The following CCAR1 variants were observed in gnomAD, a reference collection of about 807,000 sequenced individuals.
The protein encoded by CCAR1 is cell division cycle and apoptosis regulator 1, also known as cell division cycle and apoptosis regulator protein 1.
CCAR1 carries 78 observed loss-of-function variants against 163.8 expected under a neutral mutation model. That is an observed-to-expected ratio of 0.48 (90% CI 0.40 to 0.57). The LOEUF (loss-of-function observed/expected upper bound fraction) is 0.57, where lower values mean the gene tolerates loss of function less well. CCAR1 is among the 20% of genes least tolerant of loss of function. The pLI is 0.00. For missense variants in CCAR1, 1,019 were observed against 1,365.2 expected (o/e 0.75, Z 4.00); for synonymous variants, 443 against 460.7 (o/e 0.96, Z 0.49).
chr10:68,755,145 C>G (rs1220179455), intron 12 of CCAR1: 1 of 727,438 alleles, frequency 1.4e-6, no homozygotes, highest in South Asian at 1.4e-5. Flanking sequence ...TAAAAGAACT[C>G]TATCTGAAGA....
intron 2 of CCAR1, among the ~76,000 whole-genome samples, chr10:68,727,821 A>AT (rs1317933013): frequency 6.6e-6 from 1 of 151,924 alleles, no homozygotes. Context: ...ATCTTATTTT[A>AT]TTTTTTTGAA....
At chr10:68,735,146 G>A (rs1025571357) in intron 2 of CCAR1, among the ~76,000 whole-genome samples, 4 of 151,988 alleles carry the variant, frequency 2.6e-5, no homozygotes, top group East Asian at 1.9e-4. Context: ...CTAGGAGTTC[G>A]AGACCAGCCT....
At chr10:68,740,487 A>T (rs2056168479) in intron 4 of CCAR1, 142 bp from the exon 5 acceptor site, 1 of 678,580 alleles carries the variant, frequency 1.5e-6, no homozygotes, top group East Asian at 2.9e-5. Context: ...CCTGGGCAAC[A>T]TAGTGAGACC....
chr10:68,778,364 C>A (rs766305168), intron 19 of CCAR1, among the ~76,000 whole-genome samples: 9 of 152,164 alleles, frequency 5.9e-5, no homozygotes, highest in Non-Finnish European at 1.0e-4. Flanking sequence ...ATTGGCAGTT[C>A]TTTCTGCTAG....
intron 2 of CCAR1, among the ~76,000 whole-genome samples, chr10:68,733,061 C>T (rs1437618538): frequency 6.6e-6 from 1 of 152,086 alleles, no homozygotes; most frequent in Non-Finnish European, 1.5e-5. Flanking sequence ...TTTGTTGGTC[C>T]TTGTTTTATC....
chr10:68,752,236 A>G (rs2056342037), intron 10 of CCAR1, among the ~76,000 whole-genome samples: 1 of 152,102 alleles, frequency 6.6e-6, no homozygotes, highest in Non-Finnish European at 1.5e-5. Flanking sequence ...TAGTTTTACC[A>G]CTTTGAAGTA....
At chr10:68,780,351 C>T (rs1456047127) in intron 19 of CCAR1, among the ~76,000 whole-genome samples, 2 of 152,104 alleles carry the variant, frequency 1.3e-5, no homozygotes, top group African/African-American at 2.4e-5. Context: ...TGCACCACCA[C>T]ACCTGGCTAA....
intron 19 of CCAR1, among the ~76,000 whole-genome samples, chr10:68,785,192 C>T (rs544343439): frequency 1.3e-4 from 20 of 151,760 alleles, no homozygotes; most frequent in African/African-American, 4.6e-4. Context: ...GCTGGGATTA[C>T]AGGCGTGAGG....
chr10:68,754,292 C>T (rs1454614256), intron 11 of CCAR1, among the ~76,000 whole-genome samples: 4 of 152,072 alleles, frequency 2.6e-5, no homozygotes, highest in Non-Finnish European at 5.9e-5. Flanking sequence ...ACATTTTAAA[C>T]CTTATTAAAA....
At chr10:68,745,081 C>A (rs1589162592) in intron 6 of CCAR1, among the ~76,000 whole-genome samples, 1 of 152,266 alleles carries the variant, frequency 6.6e-6, no homozygotes, top group Non-Finnish European at 1.5e-5. Flanking sequence ...TCTTGGCTCA[C>A]TGTAACCTCC....
At chr10:68,740,760 T>C in intron 5 of CCAR1, 99 bp downstream of exon 5, 1 of 894,122 alleles carries the variant, frequency 1.1e-6, no homozygotes, top group Admixed American at 2.4e-5. Flanking sequence ...TAGTTACTTG[T>C]TAGATTCACC....
At chr10:68,734,628 G>A (rs2056083677) in intron 2 of CCAR1, among the ~76,000 whole-genome samples, 1 of 152,024 alleles carries the variant, frequency 6.6e-6, no homozygotes, top group Admixed American at 6.6e-5. Context: ...GCCTCCTGAG[G>A]TATAATTCAG....
chr10:68,724,215 C>T (rs1057041277), intron 2 of CCAR1, among the ~76,000 whole-genome samples: 2 of 151,960 alleles, frequency 1.3e-5, no homozygotes, highest in Non-Finnish European at 2.9e-5. Context: ...GTAATCCCAG[C>T]ATTTTGGGAG....
At chr10:68,736,228 ATTAC>A in intron 2 of CCAR1, among the ~76,000 whole-genome samples, 1 of 152,286 alleles carries the variant, frequency 6.6e-6, no homozygotes, top group Non-Finnish European at 1.5e-5. Flanking sequence ...TACATACACA[ATTAC>A]TTAATACCAA....
At chr10:68,731,604 T>TG (rs1429247013) in intron 2 of CCAR1, among the ~76,000 whole-genome samples, 1 of 146,776 alleles carries the variant, frequency 6.8e-6, no homozygotes, top group Non-Finnish European at 1.5e-5. Context: ...TTTTTTTTTT[T>TG]TTTTTTTTTT....
intron 23 of CCAR1, among the ~76,000 whole-genome samples, chr10:68,788,943 C>T (rs866169014): frequency 7.9e-5 from 12 of 151,638 alleles, no homozygotes; most frequent in Admixed American, 2.6e-4. Flanking sequence ...AGAGTTTTGC[C>T]CTGTCACCCA....
intron 19 of CCAR1, among the ~76,000 whole-genome samples, chr10:68,776,463 G>A (rs1373796351): frequency 6.6e-6 from 1 of 152,098 alleles, no homozygotes; most frequent in Non-Finnish European, 1.5e-5. Context: ...CTACTTGGGA[G>A]GCTGAGGCAG....
In CCAR1 at chr10:68,758,503, A is replaced by AGTGTGTGT. The variant is rs71028777; in HGVS notation, c.1920+1161_1920+1168dup. 1.8e-3 allele frequency among the ~76,000 whole-genome samples: 224 copies of AGTGTGTGT among 124,602 alleles called. 1 individual carries two copies. Among genetic ancestry groups the AGTGTGTGT allele is most frequent in the East Asian group, 9.6e-3 (38 of 3,942 alleles). The allele number at this position is 124,602 out of a possible 152,430, so 81.7% of individuals were successfully genotyped here. ...CCAGGAGTTTGAGACCATCCTGGGCAGTGTGTGTGTGTGTGTGTGTGTGTG... is the reference window on the plus strand; with the variant it reads ...CCAGGAGTTTGAGACCATCCTGGGCAGTGTGTGTGTGTGTGTGTGTGTGTGTGTGTGTG... On this transcript the variant is annotated intron_variant, in intron 15 of 24. Coordinates refer to ENST00000265872, the MANE Select transcript of CCAR1 (RefSeq NM_018237.4).
chr10:68,723,377 C>T (rs1037839576), intron 2 of CCAR1, among the ~76,000 whole-genome samples: 46 of 151,044 alleles, frequency 3.0e-4, no homozygotes, highest in African/African-American at 1.1e-3. Context: ...GATATGCCCG[C>T]CTCGGCCTCC....
Sources: allele counts gnomAD v4.1 joint callset (sites outside exome capture counted in the v4.1 genomes callset), GRCh38; gene constraint gnomAD v4.1.1; transcripts MANE v1.5; gene names NCBI Gene and HGNC (gene_info 2026-07-23, HGNC 2026-07-21).